MAGI2: variants seen among roughly 807,000 people sequenced by gnomAD.
The protein encoded by MAGI2 is membrane associated guanylate kinase, WW and PDZ domain containing 2, also known as membrane-associated guanylate kinase, WW and PDZ domain-containing protein 2.
MAGI2 carries 35 observed loss-of-function variants against 133.3 expected under a neutral mutation model. The observed-to-expected ratio is 0.26, with a 90% CI of 0.20 to 0.35. The LOEUF is 0.35. Among genes scored for constraint, MAGI2 ranks in the 10% least tolerant of loss-of-function variants. The probability of loss-of-function intolerance (pLI) is 1.00; values close to 1 mark genes in which losing one functional copy is unlikely to be tolerated. For synonymous variants in MAGI2, 729 were observed against 710.6 expected (o/e 1.03, Z -0.41); for missense variants, 1,636 against 1,863.4 (o/e 0.88, Z 2.25).
At chr7:79,273,437 G>A (rs1238920078) in intron 1 of MAGI2, among the ~76,000 whole-genome samples, 1 of 152,010 alleles carries the variant, frequency 6.6e-6, no homozygotes, top group Non-Finnish European at 1.5e-5. Flanking sequence ...GAGGAAATAA[G>A]TAAAATAGAA....
intron 1 of MAGI2, among the ~76,000 whole-genome samples, chr7:79,060,633 T>C (rs1422746080): frequency 6.6e-6 from 1 of 151,814 alleles, no homozygotes; most frequent in East Asian, 1.9e-4. Context: ...TGTTGGAGAG[T>C]GACATAGCTA....
At chr7:78,490,729 A>G (rs1793524890) in intron 5 of MAGI2, among the ~76,000 whole-genome samples, 1 of 152,122 alleles carries the variant, frequency 6.6e-6, no homozygotes, top group African/African-American at 2.4e-5. Context: ...TATGCACATT[A>G]CAATTCAAGA....
intron 6 of MAGI2, among the ~76,000 whole-genome samples, chr7:78,431,108 T>G (rs1022296884): frequency 3.6e-5 from 5 of 139,492 alleles, no homozygotes; most frequent in Non-Finnish European, 7.6e-5. Flanking sequence ...GTGTGTGTTT[T>G]AAGCAAAAGA....
chr7:79,092,469 T>C (rs1413150211), intron 1 of MAGI2, among the ~76,000 whole-genome samples: 1 of 152,204 alleles, frequency 6.6e-6, no homozygotes, highest in Non-Finnish European at 1.5e-5. Context: ...TAGAAATGAT[T>C]AAGTTTTTAA....
intron 1 of MAGI2, among the ~76,000 whole-genome samples, chr7:79,179,771 A>T (rs1219262074): frequency 3.3e-5 from 5 of 152,032 alleles, no homozygotes; most frequent in Admixed American, 1.3e-4. Flanking sequence ...TACAACAATC[A>T]ACTCAAGGCG....
At chr7:78,112,565 T>G (rs1004376635) in intron 20 of MAGI2, among the ~76,000 whole-genome samples, 3 of 152,258 alleles carry the variant, frequency 2.0e-5, no homozygotes, top group Non-Finnish European at 4.4e-5. Flanking sequence ...CGCAATCCCA[T>G]GTCCTGGTTC....
At chr7:79,383,330 C>A (rs1843932041) in intron 1 of MAGI2, among the ~76,000 whole-genome samples, 1 of 151,358 alleles carries the variant, frequency 6.6e-6, no homozygotes, top group African/African-American at 2.4e-5. Flanking sequence ...ATTTATTGAA[C>A]CTAGAATTGT....
intron 1 of MAGI2, among the ~76,000 whole-genome samples, chr7:79,256,554 A>G (rs112797505): frequency 7.1e-6 from 1 of 140,598 alleles, no homozygotes; most frequent in Non-Finnish European, 1.5e-5. Context: ...CAGTGGCACA[A>G]TCACATCTCA....
chr7:78,266,041 A>G (rs1584627674), intron 9 of MAGI2, among the ~76,000 whole-genome samples: 1 of 152,316 alleles, frequency 6.6e-6, no homozygotes, highest in African/African-American at 2.4e-5. Flanking sequence ...AAGGAATAAC[A>G]AGGAGAGAGA....
intron 1 of MAGI2, among the ~76,000 whole-genome samples, chr7:79,115,168 TC>T: frequency 6.6e-6 from 1 of 152,250 alleles, no homozygotes; most frequent in Non-Finnish European, 1.5e-5. Flanking sequence ...GCAATAGAAT[TC>T]CTGGGCCAGA....
chr7:79,129,819 A>G (rs1333666387), intron 1 of MAGI2, among the ~76,000 whole-genome samples: 1 of 152,216 alleles, frequency 6.6e-6, no homozygotes, highest in African/African-American at 2.4e-5. Context: ...TTTCAGAGCA[A>G]GAAGATAAAG....
At chr7:79,318,530 C>T (rs1022831380) in intron 1 of MAGI2, among the ~76,000 whole-genome samples, 1 of 152,094 alleles carries the variant, frequency 6.6e-6, no homozygotes, top group Non-Finnish European at 1.5e-5. Context: ...CTACTATCAG[C>T]AATACTACCA....
chr7:79,361,799 T>C (rs931713896), intron 1 of MAGI2, among the ~76,000 whole-genome samples: 4 of 152,070 alleles, frequency 2.6e-5, no homozygotes, highest in African/African-American at 9.7e-5. Flanking sequence ...AAGGAAAATC[T>C]CTAAATACAT....
At chr7:78,475,963 G>A (rs1011443182) in intron 6 of MAGI2, among the ~76,000 whole-genome samples, 1 of 151,842 alleles carries the variant, frequency 6.6e-6, no homozygotes, top group African/African-American at 2.4e-5. Context: ...TTCGGTGGAT[G>A]ACTCCTCACA....
chr7:78,995,821 T>C lies in MAGI2; in HGVS notation c.418+11269A>G, dbSNP rs187067204. ...CTTCTGTTACAGAGCTGCTTTCATG[T>C]AGTGCGAACTGGAAGCCTGATCCAC... On this transcript the variant is annotated intron_variant, in intron 2 of 21. Coordinates refer to ENST00000354212, the MANE Select transcript of MAGI2 (RefSeq NM_012301.4). Among the ~76,000 whole-genome samples the C allele has an allele frequency of 3.9e-5, 6 of 152,246 alleles. No individual in the cohort carries two copies. The East Asian group carries it at 1.2e-3, about 29-fold the overall frequency.
intron 1 of MAGI2, among the ~76,000 whole-genome samples, chr7:79,139,318 A>T (rs139290199): frequency 3.6e-4 from 55 of 152,320 alleles, no homozygotes; most frequent in African/African-American, 1.3e-3. Context: ...TTTACCACTC[A>T]TTAAGTACCA....
At chr7:78,962,051 TTATTA>T (rs1472162518) in intron 2 of MAGI2, among the ~76,000 whole-genome samples, 8 of 152,028 alleles carry the variant, frequency 5.3e-5, no homozygotes, top group African/African-American at 1.9e-4. Context: ...AAATATGATA[TTATTA>T]TATTATGAGA....
Position 79,295,102 on chromosome 7 carries a change from T to C in MAGI2, c.301+157918A>G, listed in dbSNP as rs967325588. On this transcript the variant is annotated intron_variant, in intron 1 of 21. Transcript: ENST00000354212. ...TTCTCTGGAGAATAAATATATCTTT[T>C]CTTGATGGAGTTTTATTTTGCCATA... 4.6e-5 allele frequency among the ~76,000 whole-genome samples: 7 copies of C among 152,282 alleles called. No homozygotes were observed. The East Asian group carries it at 1.2e-3, about 25-fold the overall frequency.
chr7:78,679,104 C>T (rs1267098659), intron 2 of MAGI2, among the ~76,000 whole-genome samples: 1 of 152,092 alleles, frequency 6.6e-6, no homozygotes, highest in Non-Finnish European at 1.5e-5. Flanking sequence ...TCTACTTTGC[C>T]CTCACCCATG....
Sources: gnomAD v4.1 joint callset for allele counts (sites outside exome capture counted in the v4.1 genomes callset) on GRCh38, gnomAD v4.1.1 for gene constraint, MANE v1.5 for transcripts, NCBI Gene and HGNC (gene_info 2026-07-23, HGNC 2026-07-21) for gene names.